The following GHR variants were observed in gnomAD, a reference collection of about 807,000 sequenced individuals.
GHR encodes GH receptor.
In GHR, 35 loss-of-function variants were observed where a neutral mutation model predicts 67.1. The observed-to-expected ratio is 0.52, with a 90% CI of 0.40 to 0.69. GHR has a LOEUF of 0.69. Ranked by LOEUF, GHR falls within the 30% of genes least tolerant of loss-of-function variation. The pLI, the probability that GHR is intolerant of heterozygous loss-of-function variation, is 0.00. For synonymous variants in GHR, 272 were observed against 269.1 expected (o/e 1.01, Z -0.10); for missense variants, 792 against 764.6 (o/e 1.04, Z -0.42).
chr5:42,459,366 C>G (rs920255890), intron 1 of GHR, among the ~76,000 whole-genome samples: 1 of 152,148 alleles, frequency 6.6e-6, no homozygotes, highest in Non-Finnish European at 1.5e-5. Flanking sequence ...TTTGCAGCAA[C>G]ATGGATGAAG....
chr5:42,566,264 A>T (rs1446611488), intron 2 of GHR, among the ~76,000 whole-genome samples: 1 of 152,206 alleles, frequency 6.6e-6, no homozygotes, highest in African/African-American at 2.4e-5. Context: ...TTGAAATTAC[A>T]CTGAAGGGTT....
At chr5:42,531,359 T>C (rs1458977277) in intron 1 of GHR, among the ~76,000 whole-genome samples, 1 of 152,184 alleles carries the variant, frequency 6.6e-6, no homozygotes, top group Non-Finnish European at 1.5e-5. Context: ...CAATTCTCGA[T>C]GGTTAGAACT....
At chr5:42,590,055 G>T (rs1751694530) in intron 2 of GHR, among the ~76,000 whole-genome samples, 2 of 152,150 alleles carry the variant, frequency 1.3e-5, no homozygotes, top group African/African-American at 4.8e-5. Flanking sequence ...ATGCTTATTG[G>T]GAGCATGTTG....
chr5:42,644,804 T>C (rs1340160171), intron 3 of GHR, among the ~76,000 whole-genome samples: 2 of 152,110 alleles, frequency 1.3e-5, no homozygotes, highest in Non-Finnish European at 2.9e-5. Context: ...TAGGAATTAA[T>C]TAAACCATAT....
intron 3 of GHR, among the ~76,000 whole-genome samples, chr5:42,665,870 A>G (rs73097909): frequency 0.078 from 11,847 of 152,160 alleles, 536 homozygotes; most frequent in Middle Eastern, 0.14. Context: ...ATGGCGGCAG[A>G]AAAGAAAGCA....
intron 1 of GHR, among the ~76,000 whole-genome samples, chr5:42,474,257 C>CAGACAGAAAGAA (rs1182799025): frequency 1.7e-4 from 15 of 88,038 alleles, no homozygotes; most frequent in African/African-American, 6.0e-4. Context: ...GAAAGACAGA[C>CAGACAGAAAGAA]AGAAAGAAAG....
At chr5:42,483,463 G>T (rs1745744670) in intron 1 of GHR, among the ~76,000 whole-genome samples, 1 of 148,688 alleles carries the variant, frequency 6.7e-6, no homozygotes, top group African/African-American at 2.5e-5. Context: ...GATTCTATGA[G>T]ACTTTAAAGA....
intron 3 of GHR, among the ~76,000 whole-genome samples, chr5:42,667,674 G>A (rs1281094495): frequency 6.6e-6 from 1 of 152,164 alleles, no homozygotes; most frequent in Non-Finnish European, 1.5e-5. Context: ...AGGTGCCCAA[G>A]GAAAGGCATC....
intron 1 of GHR, among the ~76,000 whole-genome samples, chr5:42,448,549 C>T (rs1417015985): frequency 6.7e-6 from 1 of 149,128 alleles, no homozygotes; most frequent in Non-Finnish European, 1.5e-5. Flanking sequence ...AAGATTTTCT[C>T]CCAATCGGTG....
intron 7 of GHR, among the ~76,000 whole-genome samples, chr5:42,712,273 T>TTA (rs888238690): frequency 2.6e-5 from 4 of 152,156 alleles, no homozygotes; most frequent in African/African-American, 9.6e-5. Context: ...CTCTATACTC[T>TTA]AGTTAACTGA....
At chr5:42,490,429 G>T (rs913181923) in intron 1 of GHR, among the ~76,000 whole-genome samples, 2 of 152,208 alleles carry the variant, frequency 1.3e-5, no homozygotes, top group African/African-American at 4.8e-5. Context: ...TGACAGCTGG[G>T]CTGGCCTTCA....
In GHR at chr5:42,713,452, A is replaced by T; in HGVS notation, c.808A>T (p.Ile270Phe). ...EEDFYFPWLL[I>F]IIFGIFGLTV... is the part of the protein sequence containing the mutation. ...AGATTTCTACTTTCCATGGCTCTTAATTATTATCTTTGGAATATTTGGGCT... is the reference window on the plus strand; with the variant it reads ...AGATTTCTACTTTCCATGGCTCTTATTTATTATCTTTGGAATATTTGGGCT... Residue 270 changes from isoleucine (I) to phenylalanine (F), a missense_variant, in exon 8 of 10, where the codon ATT becomes TTT. Transcript: ENST00000230882. 6.8e-7 allele frequency: 1 copy of T among 1,474,826 alleles called. No homozygotes were observed. 91.4% of individuals were successfully genotyped at this position (1,474,826 alleles called of 1,614,324 possible).
At chr5:42,613,056 T>C (rs1007113957) in intron 2 of GHR, among the ~76,000 whole-genome samples, 18 of 152,180 alleles carry the variant, frequency 1.2e-4, no homozygotes, top group Admixed American at 3.9e-4. Context: ...CAGATAGAGA[T>C]GTTTCAAATT....
At chr5:42,698,449 G>A (rs771702527) in intron 5 of GHR, among the ~76,000 whole-genome samples, 1 of 152,162 alleles carries the variant, frequency 6.6e-6, no homozygotes, top group Non-Finnish European at 1.5e-5. Flanking sequence ...AGAAGGGTGA[G>A]GAATTATTGC....
intron 2 of GHR, among the ~76,000 whole-genome samples, chr5:42,625,478 A>G (rs1580079248): frequency 6.6e-6 from 1 of 152,284 alleles, no homozygotes; most frequent in East Asian, 1.9e-4. Flanking sequence ...TTTCTGAGCC[A>G]AATGTGAGTG....
At chr5:42,690,231 C>A (rs143402933) in intron 4 of GHR, among the ~76,000 whole-genome samples, 7 of 152,180 alleles carry the variant, frequency 4.6e-5, no homozygotes, top group African/African-American at 2.4e-5. Flanking sequence ...ATGCAGCCAG[C>A]AGTTAAGGGT....
At chr5:42,481,623 T>C (rs1247535335) in intron 1 of GHR, among the ~76,000 whole-genome samples, 2 of 152,256 alleles carry the variant, frequency 1.3e-5, no homozygotes, top group Non-Finnish European at 2.9e-5. Context: ...CTCTTCTCGC[T>C]TCATTTCATT....
At chr5:42,431,118 T>C (rs1428541724) in intron 1 of GHR, among the ~76,000 whole-genome samples, 1 of 152,188 alleles carries the variant, frequency 6.6e-6, no homozygotes, top group Admixed American at 6.5e-5. Context: ...ATCAAATTTC[T>C]CTCTTCTTTT....
At chr5:42,659,997 C>T (rs931082212) in intron 3 of GHR, among the ~76,000 whole-genome samples, 6 of 152,210 alleles carry the variant, frequency 3.9e-5, no homozygotes, top group Non-Finnish European at 7.4e-5. Context: ...CACGGAGTCT[C>T]GCTGATTGCT....
Sources: allele counts gnomAD v4.1 joint callset (sites outside exome capture counted in the v4.1 genomes callset), GRCh38; gene constraint gnomAD v4.1.1; transcripts MANE v1.5; gene names NCBI Gene and HGNC (gene_info 2026-07-23, HGNC 2026-07-21).